ADAMTS2: variants seen among roughly 807,000 people sequenced by gnomAD.
ADAMTS2 encodes A disintegrin and metalloproteinase with thrombospondin motifs 2.
Under a neutral mutation model 123.0 loss-of-function variants are expected in ADAMTS2, and 50 were observed. The ratio of observed to expected loss-of-function variants is 0.41; its 90% CI spans 0.32 to 0.51. The LOEUF (loss-of-function observed/expected upper bound fraction) is 0.51. Ranked by LOEUF, ADAMTS2 falls within the 20% of genes least tolerant of loss-of-function variation. The pLI is 0.35. For missense variants in ADAMTS2, 1,494 were observed against 1,705.2 expected (o/e 0.88, Z 2.18); for synonymous variants, 678 against 695.4 (o/e 0.98, Z 0.39).
intron 5 of ADAMTS2, among the ~76,000 whole-genome samples, chr5:179,179,463 T>C (rs1227399617): frequency 6.6e-6 from 1 of 152,208 alleles, no homozygotes; most frequent in Non-Finnish European, 1.5e-5. Flanking sequence ...GGTTCATCTT[T>C]CTTTTTTTCT....
intron 2 of ADAMTS2, among the ~76,000 whole-genome samples, chr5:179,309,909 AC>A (rs1406619320): frequency 6.6e-6 from 1 of 152,098 alleles, no homozygotes; most frequent in Non-Finnish European, 1.5e-5. Context: ...GCAGGGCAGG[AC>A]CCTGGACCCA....
chr5:179,243,338 T>C (rs918604696), intron 3 of ADAMTS2, among the ~76,000 whole-genome samples: 2 of 152,132 alleles, frequency 1.3e-5, no homozygotes, highest in Non-Finnish European at 2.9e-5. Flanking sequence ...TGAAGCCTAG[T>C]AGCTGGGTGT....
At chr5:179,329,949 A>AC (rs1757436827) in intron 2 of ADAMTS2, among the ~76,000 whole-genome samples, 1 of 151,372 alleles carries the variant, frequency 6.6e-6, no homozygotes, top group African/African-American at 2.4e-5. Context: ...ACAAGGTGAA[A>AC]CCCCGTCTCT....
chr5:179,223,724 A>G (rs1320780694), intron 3 of ADAMTS2, among the ~76,000 whole-genome samples: 1 of 152,266 alleles, frequency 6.6e-6, no homozygotes, highest in Non-Finnish European at 1.5e-5. Context: ...ACGCACATGC[A>G]TACATTCATC....
intron 3 of ADAMTS2, among the ~76,000 whole-genome samples, chr5:179,267,828 T>C (rs1766413983): frequency 6.6e-6 from 1 of 152,170 alleles, no homozygotes; most frequent in Admixed American, 6.5e-5. Flanking sequence ...GGCTGAGCCC[T>C]GGACCTGGCC....
chr5:179,134,941 C>T (rs1302782844), intron 13 of ADAMTS2, among the ~76,000 whole-genome samples: 1 of 112,418 alleles, frequency 8.9e-6, no homozygotes, highest in Non-Finnish European at 1.9e-5. Context: ...CCCCAGCTCC[C>T]GACTCCAGCT....
intron 3 of ADAMTS2, among the ~76,000 whole-genome samples, chr5:179,213,474 G>A (rs1307644117): frequency 6.6e-6 from 1 of 152,180 alleles, no homozygotes; most frequent in African/African-American, 2.4e-5. Flanking sequence ...GGCTGTGAGG[G>A]GCCTGGAGCC....
chr5:179,272,849 C>A lies in ADAMTS2; in HGVS notation c.688+62G>T. The stretch of plus-strand genomic sequence containing the variant: ...GAGCTGCCTGAGTCTCTGGGATGCT[C>A]CCCTGGGGACCAGGGCCTCAGAGGG... On this transcript the variant is annotated intron_variant, in intron 3 of 21. Transcript: ENST00000251582. This position sits in a 1 kb window ranked among gnomAD's most constrained non-coding sequence, Gnocchi z 5.8. 6.4e-7 allele frequency: 1 copy of A among 1,573,534 alleles called. No homozygotes were observed. Among genetic ancestry groups the A allele is most frequent in the Non-Finnish European group, 8.6e-7 (1 of 1,163,206 alleles).
chr5:179,161,378 C>T (rs1218834698), intron 5 of ADAMTS2, among the ~76,000 whole-genome samples: 2 of 152,158 alleles, frequency 1.3e-5, no homozygotes, highest in Non-Finnish European at 2.9e-5. Flanking sequence ...ACTCGCTGAA[C>T]TTAAGATTGG....
At chr5:179,245,915 G>A (rs191371942) in intron 3 of ADAMTS2, among the ~76,000 whole-genome samples, 49 of 151,838 alleles carry the variant, frequency 3.2e-4, no homozygotes, top group Admixed American at 7.2e-4. Flanking sequence ...CGACAAGGGA[G>A]AGGACATCAC....
intron 3 of ADAMTS2, among the ~76,000 whole-genome samples, chr5:179,219,124 T>A (rs1265939808): frequency 6.6e-6 from 1 of 152,184 alleles, no homozygotes; most frequent in Non-Finnish European, 1.5e-5. Context: ...TGGAACCTGA[T>A]GCTGTGTGTT....
chr5:179,259,568 G>A (rs1187250808), intron 3 of ADAMTS2, among the ~76,000 whole-genome samples: 2 of 152,118 alleles, frequency 1.3e-5, no homozygotes, highest in South Asian at 2.1e-4. Context: ...CCAGCCCGAC[G>A]GCATCCCCAG....
At chr5:179,227,129 A>G (rs72818670) in intron 3 of ADAMTS2, among the ~76,000 whole-genome samples, 9 of 104,636 alleles carry the variant, frequency 8.6e-5, no homozygotes, top group South Asian at 3.5e-4. Flanking sequence ...ACACATGTGT[A>G]TATATATATA....
Position 179,175,940 on chromosome 5 carries a change from C to T in ADAMTS2, c.975+5132G>A, listed in dbSNP as rs1763921540. ...CGTGGAGAAAGTTTTCAGAGACCAC[C>T]TGTACTGCTCGGACTCTCGGAGGTA... On this transcript the variant is annotated intron_variant, in intron 5 of 21. Transcript: ENST00000251582. The surrounding 1 kb of genome is among the most constrained non-coding windows in gnomAD (Gnocchi z 4.1). Among the ~76,000 whole-genome samples the T allele has an allele frequency of 6.6e-6, 1 of 151,962 alleles. No individual in the cohort carries two copies. Among genetic ancestry groups the T allele is most frequent in the South Asian group, 2.1e-4 (1 of 4,804 alleles).
At position 179,312,308 on chromosome 5, in the gene ADAMTS2, C is replaced by T. The variant is rs938671218; in HGVS notation, c.534+31459G>A. On this transcript the variant is annotated intron_variant, in intron 2 of 21. Transcript: ENST00000251582. The surrounding 1 kb of genome is among the most constrained non-coding windows in gnomAD (Gnocchi z 4.2). Reference sequence around the variant, plus strand: ...AAATTCCGATGTTGAAAGCTACTCCCCCAAGGTGATATATTAGGAAGTGGG... The same window carrying T: ...AAATTCCGATGTTGAAAGCTACTCCTCCAAGGTGATATATTAGGAAGTGGG... Among the ~76,000 whole-genome samples, 3 of 152,090 alleles carry T rather than the reference C, an allele frequency of 2.0e-5. No individual in the cohort carries two copies.
intron 3 of ADAMTS2, among the ~76,000 whole-genome samples, chr5:179,254,398 G>A (rs565946908): frequency 2.0e-5 from 3 of 152,324 alleles, no homozygotes; most frequent in South Asian, 2.1e-4. Context: ...GGAATGGGGA[G>A]TGACTGCTCT....
intron 2 of ADAMTS2, among the ~76,000 whole-genome samples, chr5:179,279,792 G>A (rs182730459): frequency 3.1e-4 from 47 of 152,334 alleles, no homozygotes; most frequent in African/African-American, 1.0e-3. Context: ...TGAGCCACTC[G>A]GTCCTCACCA....
chr5:179,163,229 C>T (rs1267740363), intron 5 of ADAMTS2, among the ~76,000 whole-genome samples: 1 of 152,160 alleles, frequency 6.6e-6, no homozygotes, highest in Non-Finnish European at 1.5e-5. Flanking sequence ...GTCAATGAGG[C>T]AGGCTGGTTG....
chr5:179,277,270 G>A (rs1242595291), intron 2 of ADAMTS2, among the ~76,000 whole-genome samples: 3 of 151,640 alleles, frequency 2.0e-5, no homozygotes, highest in Admixed American at 6.6e-5. Context: ...TGCGCACAAC[G>A]CATGCTGGAC....
Sources: gnomAD v4.1 joint callset for allele counts (sites outside exome capture counted in the v4.1 genomes callset) on GRCh38, gnomAD v4.1.1 for gene constraint, Gnocchi (gnomAD v3.1) non-coding constraint, MANE v1.5 for transcripts, NCBI Gene and HGNC (gene_info 2026-07-23, HGNC 2026-07-21) for gene names.